The following ABCA12 variants were observed in gnomAD, a reference collection of about 807,000 sequenced individuals.
ABCA12 encodes ATP binding cassette subfamily A member 12, also known as glucosylceramide transporter ABCA12.
In ABCA12, 156 loss-of-function variants were observed where a neutral mutation model predicts 293.5. That is an observed-to-expected ratio of 0.53 (90% confidence interval 0.47 to 0.61). The LOEUF (loss-of-function observed/expected upper bound fraction) is 0.61, where lower values mean the gene tolerates loss of function less well. Among genes scored for constraint, ABCA12 ranks in the 20% least tolerant of loss-of-function variants. The probability of loss-of-function intolerance (pLI) is 0.00; values close to 1 mark genes in which losing one functional copy is unlikely to be tolerated. For synonymous variants in ABCA12, 1,063 were observed against 1,108.0 expected, an observed-to-expected ratio of 0.96 and a Z score of 0.81; for missense variants, 2,797 against 3,090.2, an observed-to-expected ratio of 0.91 and a Z score of 2.25.
At position 215,086,919 on chromosome 2, in the gene ABCA12, TTTATTATTATTATTATTA is replaced by T. The variant is rs139025147; in HGVS notation, c.164-22718_164-22701del. Among the ~76,000 whole-genome samples the T allele has an allele frequency of 1.1e-4, 16 of 151,016 alleles. No homozygotes were observed. In the South Asian group the frequency reaches 1.7e-3, roughly 16 times the overall value. On this transcript the variant is annotated intron_variant, in intron 2 of 52. Transcript: ENST00000272895. ...GAACTTACCTTTCTCTAACTACCAG[TTTATTATTATTATTATTA>T]TTATTATTATTATTATTATTTTATG...
At chr2:215,105,980 T>G (rs1015495945) in intron 2 of ABCA12, among the ~76,000 whole-genome samples, 3 of 152,068 alleles carry the variant, frequency 2.0e-5, no homozygotes, top group African/African-American at 7.2e-5. Context: ...CAAATGAAAT[T>G]ATTTCCTGTG....
intron 21 of ABCA12, 119 bp downstream of exon 21, chr2:215,001,439 A>T: frequency 4.9e-6 from 6 of 1,233,610 alleles, no homozygotes; most frequent in Non-Finnish European, 7.1e-6. Context: ...TTCTAAGGAC[A>T]TCAGAGGACC....
intron 1 of ABCA12, among the ~76,000 whole-genome samples, chr2:215,124,662 T>C (rs996061403): frequency 6.6e-6 from 1 of 152,214 alleles, no homozygotes; most frequent in African/African-American, 2.4e-5. Context: ...TTTGTTTTTT[T>C]CTTGCTGATC....
chr2:215,127,852 T>A (rs80060707), intron 1 of ABCA12, among the ~76,000 whole-genome samples: 4,921 of 152,248 alleles, frequency 0.032, 239 homozygotes, highest in African/African-American at 0.11. Context: ...CTGTGTACTT[T>A]CTTTATTTTG....
At chr2:215,000,168 A>C (rs1234221458) in intron 22 of ABCA12, among the ~76,000 whole-genome samples, 2 of 152,222 alleles carry the variant, frequency 1.3e-5, no homozygotes, top group Non-Finnish European at 2.9e-5. Flanking sequence ...TTAGATATAG[A>C]GGATTCCTAG....
chr2:215,017,411 A>C (rs1333129137), intron 14 of ABCA12, among the ~76,000 whole-genome samples: 2 of 152,232 alleles, frequency 1.3e-5, no homozygotes, highest in Non-Finnish European at 2.9e-5. Context: ...ATTTACTACA[A>C]CCACAAACTT....
At chr2:215,021,016 A>C (rs1700619403) in intron 11 of ABCA12, among the ~76,000 whole-genome samples, 1 of 152,174 alleles carries the variant, frequency 6.6e-6, no homozygotes, top group African/African-American at 2.4e-5. Flanking sequence ...TTCCTGGCTA[A>C]TGTTTTGTAT....
chr2:214,972,011 T>C (rs1699396236), intron 36 of ABCA12, among the ~76,000 whole-genome samples: 1 of 152,178 alleles, frequency 6.6e-6, no homozygotes, highest in Non-Finnish European at 1.5e-5. Context: ...TGACTACCTT[T>C]TTATATATTT....
At chr2:215,088,906 T>A (rs1313335727) in intron 2 of ABCA12, among the ~76,000 whole-genome samples, 1 of 152,172 alleles carries the variant, frequency 6.6e-6, no homozygotes, top group East Asian at 1.9e-4. Context: ...CTTTATTGAT[T>A]CATTGATTTA....
At chr2:214,985,430 G>A (rs925227597) in intron 28 of ABCA12, among the ~76,000 whole-genome samples, 1 of 152,124 alleles carries the variant, frequency 6.6e-6, no homozygotes, top group Non-Finnish European at 1.5e-5. Flanking sequence ...GGAAGGAGAG[G>A]ATCAGGAAAA....
Position 214,944,984 on chromosome 2 carries a change from G to T in ABCA12, c.7343+17C>A. The stretch of plus-strand genomic sequence containing the variant: ...TAAGACTGTGTGGATTCGCTTTAAA[G>T]ATTCCACTCAGTTTACCTGTGAGAT... On this transcript the variant is annotated intron_variant, in intron 49 of 52. Transcript: ENST00000272895. The T allele has an allele frequency of 1.9e-6, 3 of 1,607,952 alleles. No individual in the cohort carries two copies. The highest frequency in any genetic ancestry group is 1.7e-6 in the Non-Finnish European group (2 of 1,175,254).
At chr2:215,073,570 GC>G (rs1701779473) in intron 2 of ABCA12, among the ~76,000 whole-genome samples, 1 of 151,942 alleles carries the variant, frequency 6.6e-6, no homozygotes, top group Admixed American at 6.6e-5. Context: ...TGCAGCCCCC[GC>G]CCCCACCGAG....
At chr2:215,059,770 A>G (rs1385673005) in intron 3 of ABCA12, among the ~76,000 whole-genome samples, 3 of 151,992 alleles carry the variant, frequency 2.0e-5, no homozygotes, top group African/African-American at 7.2e-5. Flanking sequence ...CTACCTAACC[A>G]TGAAACAAGC....
At position 215,019,747 on chromosome 2, in the gene ABCA12, AAAGTTTC is replaced by A; in HGVS notation, c.1330_1336del (p.Glu444SerfsTer3). ...CTGGCATGACTTCTCTATCAAACTG[AAAGTTTC>A]AGATTCACAAAGAAGTTCGGTCAAG... On this transcript the variant is annotated frameshift_variant, in exon 12 of 53. Transcript: ENST00000272895. LOFTEE classifies it high-confidence loss of function. The A allele has an allele frequency of 6.2e-7, 1 of 1,614,002 alleles. No homozygotes were observed. Among genetic ancestry groups the A allele is most frequent in the South Asian group, 1.1e-5 (1 of 91,082 alleles).
intron 52 of ABCA12, among the ~76,000 whole-genome samples, chr2:214,933,427 A>C (rs1345410904): frequency 6.6e-6 from 1 of 152,170 alleles, no homozygotes; most frequent in East Asian, 1.9e-4. Context: ...AGAGTTGTAC[A>C]TCAAATGCAG....
intron 22 of ABCA12, chr2:214,999,916 C>A (rs562704668): frequency 1.4e-6 from 1 of 703,584 alleles, no homozygotes; most frequent in East Asian, 1.3e-4. Context: ...CCAATACCAT[C>A]TGAATTGTAT....
chr2:215,138,369 C>T lies in ABCA12; in HGVS notation c.-161G>A. 5.3e-6 allele frequency: 4 copies of T among 753,004 alleles called. No homozygotes were observed. The South Asian group carries it at 6.0e-5, about 11-fold the overall frequency. The allele number at this position is 753,004 out of a possible 1,614,324, so 46.6% of individuals were successfully genotyped here. ...TAAGAAACCCACAGTTCTTCTGTTT[C>T]TGCTGGATTTTTCCCTGTGGTTAAT... On this transcript the variant is annotated 5_prime_UTR_variant, in exon 1 of 53. Transcript: ENST00000272895.
chr2:214,932,098 A>G lies in ABCA12; in HGVS notation c.*536T>C. 1 of 169,876 alleles carries G rather than the reference A, an allele frequency of 5.9e-6. No individual in the cohort carries two copies. Among genetic ancestry groups the G allele is most frequent in the South Asian group, 1.5e-4 (1 of 6,724 alleles). The allele number at this position is 169,876 out of a possible 1,614,324, so 10.5% of individuals were successfully genotyped here. On this transcript the variant is annotated 3_prime_UTR_variant, in exon 53 of 53. Coordinates refer to ENST00000272895, the MANE Select transcript of ABCA12 (RefSeq NM_173076.3). ...CACAGGTACCGAAAGTGACATACAC[A>G]TACATTGTAAACATTGTGCCCACTG...
At chr2:214,978,159 T>C (rs2105961070) in intron 33 of ABCA12, among the ~76,000 whole-genome samples, 157 bp downstream of exon 33, 1 of 152,322 alleles carries the variant, frequency 6.6e-6, no homozygotes, top group East Asian at 1.9e-4. Flanking sequence ...TAATGAATAT[T>C]TTATATCTTA....
Sources: allele counts gnomAD v4.1 joint callset (sites outside exome capture counted in the v4.1 genomes callset), GRCh38; gene constraint gnomAD v4.1.1; transcripts MANE v1.5; gene names NCBI Gene and HGNC (gene_info 2026-07-23, HGNC 2026-07-21).